The following MSRA variants were observed in gnomAD, a reference collection of about 807,000 sequenced individuals.
The protein encoded by MSRA is mitochondrial peptide methionine sulfoxide reductase.
In MSRA, 54 loss-of-function variants were observed where a neutral mutation model predicts 31.3. The ratio of observed to expected loss-of-function variants is 1.73; its 90% CI spans 1.39 to 2.17. The LOEUF is 2.17. Among genes scored for constraint, MSRA ranks in the 30% most tolerant of loss-of-function variants. The pLI, the probability that MSRA is intolerant of heterozygous loss-of-function variation, is 0.00. For synonymous variants in MSRA, 169 were observed against 116.5 expected (o/e 1.45, Z -2.90); for missense variants, 507 against 300.9 (o/e 1.69, Z -5.07).
chr8:10,382,113 A>C (rs1421595248), intron 5 of MSRA, among the ~76,000 whole-genome samples: 1 of 152,244 alleles, frequency 6.6e-6, no homozygotes, highest in Non-Finnish European at 1.5e-5. Flanking sequence ...TACTGCCCCC[A>C]GTGACCGCTG....
intron 5 of MSRA, among the ~76,000 whole-genome samples, chr8:10,393,061 C>A (rs1330404390): frequency 6.6e-3 from 510 of 77,446 alleles, no homozygotes; most frequent in East Asian, 0.04. Context: ...GACTCCGTCT[C>A]AAAAAAAAAA....
At chr8:10,283,828 T>TACACACAC (rs1289199754) in intron 3 of MSRA, among the ~76,000 whole-genome samples, 8 of 68,562 alleles carry the variant, frequency 1.2e-4, no homozygotes, top group African/African-American at 3.7e-4. Context: ...TATATATATA[T>TACACACAC]ATATATATAC....
chr8:10,057,118 C>A (rs970952698), intron 1 of MSRA, among the ~76,000 whole-genome samples: 1 of 152,166 alleles, frequency 6.6e-6, no homozygotes, highest in Non-Finnish European at 1.5e-5. Context: ...TTTAATTTAT[C>A]CCAGGCTACC....
intron 1 of MSRA, among the ~76,000 whole-genome samples, chr8:10,058,400 T>C (rs1425510972): frequency 6.6e-6 from 1 of 152,224 alleles, no homozygotes. Context: ...ACTGAACTCT[T>C]TTAAAATAAA....
At chr8:10,151,019 T>TG (rs896969781) in intron 1 of MSRA, among the ~76,000 whole-genome samples, 9 of 151,024 alleles carry the variant, frequency 6.0e-5, no homozygotes, top group East Asian at 2.0e-4. Context: ...TGGGCAGTGA[T>TG]GGGGGGGTGG....
chr8:10,268,744 G>T (rs1798874762), intron 3 of MSRA, among the ~76,000 whole-genome samples: 1 of 152,216 alleles, frequency 6.6e-6, no homozygotes, highest in South Asian at 2.1e-4. Context: ...GGTTTCTTTT[G>T]AGCAGGGCTA....
chr8:10,371,939 A>T (rs1805501036), intron 5 of MSRA, among the ~76,000 whole-genome samples: 1 of 152,178 alleles, frequency 6.6e-6, no homozygotes, highest in Non-Finnish European at 1.5e-5. Flanking sequence ...TTCCTTACAC[A>T]TGAGAAAGTG....
At chr8:10,131,522 C>T (rs1403833134) in intron 1 of MSRA, among the ~76,000 whole-genome samples, 2 of 152,196 alleles carry the variant, frequency 1.3e-5, no homozygotes, top group African/African-American at 2.4e-5. Flanking sequence ...TTAGCAGGTT[C>T]GTAGGTGTAC....
At chr8:10,291,088 A>G (rs951624625) in intron 3 of MSRA, among the ~76,000 whole-genome samples, 1 of 152,216 alleles carries the variant, frequency 6.6e-6, no homozygotes, top group African/African-American at 2.4e-5. Context: ...ACCTACTTCT[A>G]CGTACTGGTT....
intron 1 of MSRA, among the ~76,000 whole-genome samples, chr8:10,161,840 C>T (rs1022286979): frequency 6.6e-6 from 1 of 151,960 alleles, no homozygotes. Flanking sequence ...CCCCTGATAA[C>T]CATGGGCCCT....
rs111833371 is a variant in MSRA at position 10,174,738 on chromosome 8, C to T, written c.143-33095C>T. Among the ~76,000 whole-genome samples the T allele has an allele frequency of 3.2e-3, 483 of 152,272 alleles. 2 individuals are homozygous for T. Among genetic ancestry groups the T allele is most frequent in the African/African-American group, 0.011 (458 of 41,552 alleles). On this transcript the variant is annotated intron_variant, in intron 1 of 5. Coordinates refer to ENST00000317173, the MANE Select transcript of MSRA (RefSeq NM_012331.5). Reference sequence around the variant, plus strand: ...TGTCTACTGCTATCTCTGTCACCTCCGGCTCAGCGTGCTGCACTCAGACAT... The same window carrying T: ...TGTCTACTGCTATCTCTGTCACCTCTGGCTCAGCGTGCTGCACTCAGACAT...
At chr8:10,211,699 G>A (rs950655116) in intron 2 of MSRA, among the ~76,000 whole-genome samples, 4 of 152,058 alleles carry the variant, frequency 2.6e-5, no homozygotes, top group East Asian at 1.9e-4. Context: ...AAACATGGCC[G>A]AGGCTTCCTC....
At chr8:10,231,892 G>C (rs1238392313) in intron 2 of MSRA, among the ~76,000 whole-genome samples, 3 of 151,982 alleles carry the variant, frequency 2.0e-5, no homozygotes, top group African/African-American at 7.3e-5. Flanking sequence ...GACAGAGCGA[G>C]ACTTTGTCTC....
intron 1 of MSRA, among the ~76,000 whole-genome samples, chr8:10,155,437 T>C (rs576274189): frequency 1.4e-4 from 21 of 152,326 alleles, no homozygotes; most frequent in African/African-American, 5.1e-4. Context: ...CTAGAAGCTG[T>C]GCCATCCCAA....
At chr8:10,417,754 T>TTGTGGGTGTGTGTGTGTGTGTGTGTGTG (rs1808558419) in intron 5 of MSRA, among the ~76,000 whole-genome samples, 1 of 129,842 alleles carries the variant, frequency 7.7e-6, no homozygotes, top group African/African-American at 2.9e-5. Context: ...AACCTGCATG[T>TTGTGGGTGTGTGTGTGTGTGTGTGTGTG]TGTGTGTGTG....
chr8:10,216,440 A>G (rs1193513272), intron 2 of MSRA, among the ~76,000 whole-genome samples: 1 of 152,200 alleles, frequency 6.6e-6, no homozygotes, highest in African/African-American at 2.4e-5. Flanking sequence ...GAAATTTATC[A>G]TTGTAACCAT....
intron 4 of MSRA, among the ~76,000 whole-genome samples, chr8:10,307,144 A>C (rs1451954647): frequency 1.3e-5 from 2 of 149,478 alleles, no homozygotes; most frequent in African/African-American, 4.9e-5. Flanking sequence ...CTTCCTGACT[A>C]GGAAGACCTC....
intron 2 of MSRA, among the ~76,000 whole-genome samples, chr8:10,237,285 A>T (rs1812026760): frequency 6.6e-6 from 1 of 152,232 alleles, no homozygotes; most frequent in Non-Finnish European, 1.5e-5. Context: ...AGTTAAGATG[A>T]TGTTGGGTTA....
chr8:10,392,983 A>G lies in MSRA; in HGVS notation c.544-35165A>G, dbSNP rs549711090. Among the ~76,000 whole-genome samples, 760 of 140,322 alleles carry G rather than the reference A, an allele frequency of 5.4e-3. 5 individuals are homozygous for G. Among genetic ancestry groups the G allele is most frequent in the Non-Finnish European group, 9.0e-3 (592 of 65,894 alleles). 92.1% of individuals were successfully genotyped at this position (140,322 alleles called of 152,430 possible). A position where few individuals can be genotyped will look rare whatever the true frequency, so the allele number is the denominator to read the frequency against. On this transcript the variant is annotated intron_variant, in intron 5 of 5. Transcript: ENST00000317173. Reference sequence around the variant, plus strand: ...AGGCTGAGGCAGGAGAATGGCATGAACCCGGGAGGCGGAGCTTGCAGTGAG... The same window carrying G: ...AGGCTGAGGCAGGAGAATGGCATGAGCCCGGGAGGCGGAGCTTGCAGTGAG...
Sources: gnomAD v4.1 joint callset for allele counts (sites outside exome capture counted in the v4.1 genomes callset) on GRCh38, gnomAD v4.1.1 for gene constraint, MANE v1.5 for transcripts, NCBI Gene and HGNC (gene_info 2026-07-23, HGNC 2026-07-21) for gene names.